The following FAM200A variants were observed in gnomAD, a reference collection of about 807,000 sequenced individuals.
The protein encoded by FAM200A is protein FAM200A.
Under a neutral mutation model 44.2 loss-of-function variants are expected in FAM200A, and 26 were observed. The observed-to-expected ratio is 0.59, with a 90% CI of 0.43 to 0.82. The LOEUF is 0.82. FAM200A is among the 40% of genes least tolerant of loss of function. The pLI, the probability that FAM200A is intolerant of heterozygous loss-of-function variation, is 0.00. For synonymous variants in FAM200A, 206 were observed against 244.4 expected (o/e 0.84, Z 1.47); for missense variants, 606 against 669.5 (o/e 0.91, Z 1.05).
upstream of FAM200A, among the ~76,000 whole-genome samples, chr7:99,555,329 A>G (rs889637152): frequency 6.6e-6 from 1 of 152,218 alleles, no homozygotes; most frequent in Non-Finnish European, 1.5e-5. Flanking sequence ...AAACTAGGAG[A>G]GAGGCATGGA....
chr7:99,552,006 C>A lies in FAM200A; in HGVS notation c.-252G>T, dbSNP rs537107627. ...CCATGCACGTCCAACTCTGTCCCCG[C>A]CCGGAGAAGTCTGGGATGCTGGGAT... is the stretch of plus-strand genomic sequence containing the variant. On this transcript the variant is annotated 5_prime_UTR_variant, in exon 1 of 2. Transcript: ENST00000449309. 2.0e-6 allele frequency: 2 copies of A among 985,568 alleles called. No individual in the cohort carries two copies. Among genetic ancestry groups the A allele is most frequent in the Admixed American group, 1.2e-4 (2 of 16,284 alleles). 61.1% of individuals were successfully genotyped at this position (985,568 alleles called of 1,614,324 possible). A position where few individuals can be genotyped will look rare whatever the true frequency, so the allele number is the denominator to read the frequency against.
chr7:99,546,985 T>C lies in FAM200A; in HGVS notation c.1423A>G (p.Asn475Asp). 1 of 1,550,320 alleles carries C rather than the reference T, an allele frequency of 6.5e-7. No homozygotes were observed. The highest frequency in any genetic ancestry group is 1.4e-5 in the African/African-American group (1 of 73,166). Reference protein sequence around the residue: ...IELNLEPEEENELLQLSSSFT... With the variant: ...IELNLEPEEEDELLQLSSSFT... ...GATGAACTGAGCTGCAATAATTCATTCTCTTCTTCAGGCTCCAAGTTTAAC... is the reference window on the plus strand; with the variant it reads ...GATGAACTGAGCTGCAATAATTCATCCTCTTCTTCAGGCTCCAAGTTTAAC... The change falls in exon 2 of 2, where the codon AAT becomes GAT. Residue 475 changes from asparagine (N) to aspartate (D), a missense_variant. Asn to Asp is a conservative substitution (Grantham distance 23, BLOSUM62 1). Coordinates refer to ENST00000449309, the MANE Select transcript of FAM200A (RefSeq NM_145111.4).
intron 1 of FAM200A, among the ~76,000 whole-genome samples, chr7:99,550,629 T>G (rs886268685): frequency 1.3e-5 from 2 of 152,156 alleles, no homozygotes; most frequent in Non-Finnish European, 1.5e-5. Flanking sequence ...TGGGTCTATG[T>G]GTTTCATCCA....
chr7:99,558,277 C>T (rs1489072164), intron 1 of FAM200A: 2 of 152,292 alleles, frequency 1.3e-5, no homozygotes, highest in African/African-American at 4.8e-5. Context: ...GTCGGCCATT[C>T]CTCCTCACCC....
At position 99,547,214 on chromosome 7, in the gene FAM200A, C is replaced by CAT; in HGVS notation, c.1192_1193dup (p.Met398IlefsTer20). The CAT allele has an allele frequency of 6.4e-7, 1 of 1,550,524 alleles. No homozygotes were observed. Among genetic ancestry groups the CAT allele is most frequent in the Non-Finnish European group, 8.7e-7 (1 of 1,146,712 alleles). Reference sequence around the variant, plus strand: ...CGATGTGTTGCAATAATGTTGGAAACATATAGTAGCTAGGGCGGTTACTTT... The same window carrying CAT: ...CGATGTGTTGCAATAATGTTGGAAACATATATAGTAGCTAGGGCGGTTACTTT... On this transcript the variant is annotated frameshift_variant, in exon 2 of 2. Coordinates refer to ENST00000449309, the MANE Select transcript of FAM200A (RefSeq NM_145111.4). LOFTEE classifies it high-confidence loss of function.
chr7:99,558,035 T>C (rs1802756141), intron 1 of FAM200A, among the ~76,000 whole-genome samples: 1 of 152,166 alleles, frequency 6.6e-6, no homozygotes, highest in Non-Finnish European at 1.5e-5. Context: ...TAGATTTTAG[T>C]CTTCCCACCA....
rs984523364 is a variant in FAM200A, at chr7:99,546,415, C to T, written c.*271G>A. On this transcript the variant is annotated 3_prime_UTR_variant, in exon 2 of 2. Transcript: ENST00000449309. ...ATGAAGTCTCACGCTGTTGCCCAGGCTGGAATGCAGTGGGATTATCTCAGC... is the reference window on the plus strand; with the variant it reads ...ATGAAGTCTCACGCTGTTGCCCAGGTTGGAATGCAGTGGGATTATCTCAGC... 1.9e-5 allele frequency: 6 copies of T among 322,454 alleles called. No individual in the cohort carries two copies. Among genetic ancestry groups the T allele is most frequent in the Non-Finnish European group, 3.3e-5 (6 of 179,718 alleles). 20.0% of individuals were successfully genotyped at this position (322,454 alleles called of 1,614,324 possible).
Position 99,551,023 on chromosome 7 carries a change from C to T in FAM200A, c.-100+831G>A, listed in dbSNP as rs374413902. On this transcript the variant is annotated intron_variant, in intron 1 of 1. Coordinates refer to ENST00000449309, the MANE Select transcript of FAM200A (RefSeq NM_145111.4). The stretch of plus-strand genomic sequence containing the variant: ...TCGGGCGCTGGAGGTTGCAGTGAGC[C>T]GAGATCGCACCACTGCACTCCAGCC... 2.5e-3 allele frequency among the ~76,000 whole-genome samples: 383 copies of T among 151,632 alleles called. 2 individuals are homozygous for T. The highest frequency in any genetic ancestry group is 7.1e-3 in the African/African-American group (294 of 41,422).
At chr7:99,548,851 A>G (rs1358684975) in intron 1 of FAM200A, among the ~76,000 whole-genome samples, 1 of 148,060 alleles carries the variant, frequency 6.8e-6, no homozygotes, top group Non-Finnish European at 1.5e-5. Context: ...CTACACTGCC[A>G]ACTCTAAAAA....
At chr7:99,548,537 TA>T (rs1461911419) in intron 1 of FAM200A, 31 bp from the exon 2 acceptor site, 1 of 1,448,002 alleles carries the variant, frequency 6.9e-7, no homozygotes, top group Non-Finnish European at 9.1e-7. Flanking sequence ...ACAGCAGTAT[TA>T]AAAAGCAACA....
chr7:99,553,018 C>CAT (rs61079236), upstream of FAM200A, among the ~76,000 whole-genome samples: 282 of 131,758 alleles, frequency 2.1e-3, 1 homozygote, highest in Middle Eastern at 3.9e-3. Flanking sequence ...TATATATACA[C>CAT]ATATATATAC....
In FAM200A at chr7:99,548,248, T is replaced by C. The variant is rs749535579; in HGVS notation, c.160A>G (p.Thr54Ala). The stretch of plus-strand genomic sequence containing the variant: ...AATAAGGCTCTCTCATTCATAGTTG[T>C]AGAGCGACTGAGAACTTGTGGCGAT... Reference protein sequence around the residue: ...ESSPQVLSRSTTMNERALLSS... With the variant: ...ESSPQVLSRSATMNERALLSS... The change falls in exon 2 of 2, where the codon ACA becomes GCA. Residue 54 changes from threonine (T) to alanine (A), a missense_variant. Physicochemically the swap from Thr to Ala is moderately conservative, Grantham distance 58. Transcript: ENST00000449309. 6.2e-7 allele frequency: 1 copy of C among 1,612,064 alleles called. No individual in the cohort carries two copies. The highest frequency in any genetic ancestry group is 1.3e-5 in the African/African-American group (1 of 74,918).
At chr7:99,549,273 G>A (rs759285046) in intron 1 of FAM200A, among the ~76,000 whole-genome samples, 6 of 150,458 alleles carry the variant, frequency 4.0e-5, no homozygotes, top group Non-Finnish European at 7.4e-5. Flanking sequence ...GAGGGAGAAT[G>A]AGATTTCCAC....
rs747591849 is a variant in FAM200A at position 99,548,106 on chromosome 7, G to A, written c.302C>T (p.Ser101Leu). 9 of 1,551,518 alleles carry A rather than the reference G, an allele frequency of 5.8e-6. No individual in the cohort carries two copies. The highest frequency in any genetic ancestry group is 2.4e-5 in the East Asian group (1 of 40,940). ...AGGTATAGTTCTTAGTTTATCAGCT[G>A]ATTTGTCATCAAAAATTGTCCGTAC... ...DMVRTIFDDKSADKLRTIPLS... is the reference protein window; with the variant it reads ...DMVRTIFDDKLADKLRTIPLS... Residue 101 changes from serine (S) to leucine (L), a missense_variant, in exon 2 of 2, where the codon TCA becomes TTA. Physicochemically the swap from Ser to Leu is moderately radical, Grantham distance 145 (BLOSUM62 -2). Coordinates refer to ENST00000449309, the MANE Select transcript of FAM200A (RefSeq NM_145111.4).
chr7:99,552,597 G>C (rs1205789596), upstream of FAM200A, among the ~76,000 whole-genome samples: 1 of 152,134 alleles, frequency 6.6e-6, no homozygotes, highest in Non-Finnish European at 1.5e-5. Context: ...TATGTTTCCA[G>C]GGAGTTTTCA....
At chr7:99,549,792 C>T (rs1301383697) in intron 1 of FAM200A, among the ~76,000 whole-genome samples, 2 of 152,066 alleles carry the variant, frequency 1.3e-5, no homozygotes, top group African/African-American at 2.4e-5. Context: ...AGCAAACTAT[C>T]GCAAGGACAG....
chr7:99,553,068 C>T (rs1157150124), upstream of FAM200A, among the ~76,000 whole-genome samples: 93 of 89,324 alleles, frequency 1.0e-3, 2 homozygotes, highest in African/African-American at 3.5e-3. Context: ...TATATACACA[C>T]ACATATATAT....
chr7:99,557,216 C>T (rs186304396), intron 1 of FAM200A, among the ~76,000 whole-genome samples: 314 of 152,242 alleles, frequency 2.1e-3, no homozygotes, highest in Non-Finnish European at 3.8e-3. Flanking sequence ...TAAGTGGGTA[C>T]CTTTTGTGGT....
chr7:99,549,380 T>C (rs960677337), intron 1 of FAM200A, among the ~76,000 whole-genome samples: 7 of 152,054 alleles, frequency 4.6e-5, no homozygotes, highest in Admixed American at 1.3e-4. Context: ...TTTAAAGATA[T>C]TACCTGACTT....
Sources: allele counts gnomAD v4.1 joint callset (sites outside exome capture counted in the v4.1 genomes callset), GRCh38; gene constraint gnomAD v4.1.1; transcripts MANE v1.5; gene names NCBI Gene and HGNC (gene_info 2026-07-23, HGNC 2026-07-21).